The following KIAA0040 variants were observed in gnomAD, a reference collection of about 807,000 sequenced individuals.
KIAA0040 encodes the protein KIAA0040.
A neutral mutation model predicts 7.2 loss-of-function variants in KIAA0040; 10 were observed. The observed-to-expected ratio is 1.38, with a 90% CI of 0.85 to 2.34. KIAA0040 has a LOEUF of 2.34. KIAA0040 is among the 30% of genes most tolerant of loss of function. The pLI is 0.00. For missense variants in KIAA0040, 89 were observed against 108.2 expected, an observed-to-expected ratio of 0.82 and a Z score of 0.79; for synonymous variants, 49 against 40.1, an observed-to-expected ratio of 1.22 and a Z score of -0.84.
intron 2 of KIAA0040, among the ~76,000 whole-genome samples, chr1:175,171,487 T>C (rs1676990263): frequency 6.6e-6 from 1 of 152,122 alleles, no homozygotes; most frequent in African/African-American, 2.4e-5. Flanking sequence ...GCAAACCAGG[T>C]CACTGGGGAG....
intron 2 of KIAA0040, among the ~76,000 whole-genome samples, chr1:175,173,958 G>C: frequency 6.6e-6 from 1 of 152,034 alleles, no homozygotes; most frequent in Non-Finnish European, 1.5e-5. Flanking sequence ...CTAAGATTTG[G>C]CCACACTAAC....
intron 2 of KIAA0040, among the ~76,000 whole-genome samples, chr1:175,168,905 G>A (rs1005677369): frequency 6.6e-6 from 1 of 152,184 alleles, no homozygotes; most frequent in Non-Finnish European, 1.5e-5. Flanking sequence ...TCTTCTCCCG[G>A]GCCCTCCCTG....
At chr1:175,176,863 C>T (rs1677220196) in intron 2 of KIAA0040, among the ~76,000 whole-genome samples, 1 of 151,936 alleles carries the variant, frequency 6.6e-6, no homozygotes, top group Non-Finnish European at 1.5e-5. Context: ...CCTTGAAATG[C>T]CCTTCCCAAA....
intron 2 of KIAA0040, among the ~76,000 whole-genome samples, chr1:175,167,147 G>A (rs532346024): frequency 7.2e-5 from 11 of 152,320 alleles, no homozygotes; most frequent in African/African-American, 2.6e-4. Context: ...GATGAGGGAT[G>A]ACTGAGAGAA....
chr1:175,161,866 C>T (rs1676557307), intron 3 of KIAA0040, among the ~76,000 whole-genome samples: 1 of 152,212 alleles, frequency 6.6e-6, no homozygotes, highest in Admixed American at 6.5e-5. Context: ...CTTCTACCTT[C>T]CTCTTCCTCA....
In KIAA0040 at chr1:175,160,428, T is replaced by C. The variant is rs921674042; in HGVS notation, c.*286A>G. 2.5e-6 allele frequency: 1 copy of C among 403,836 alleles called. No homozygotes were observed. The highest frequency in any genetic ancestry group is 2.0e-5 in the African/African-American group (1 of 49,796). 25.0% of individuals were successfully genotyped at this position (403,836 alleles called of 1,614,324 possible). On this transcript the variant is annotated 3_prime_UTR_variant, in exon 4 of 4. Transcript: ENST00000423313. ...GAGATGTATGGATAAATGTTCTTTG[T>C]GCTTTGCATGTGGGGTATGCCAGAG...
intron 1 of KIAA0040, among the ~76,000 whole-genome samples, chr1:175,191,694 A>ACAGAAC (rs1329029460): frequency 1.3e-5 from 2 of 152,230 alleles, no homozygotes; most frequent in Admixed American, 1.3e-4. Flanking sequence ...CCATTATCTA[A>ACAGAAC]CAGAACTTCA....
intron 3 of KIAA0040, among the ~76,000 whole-genome samples, chr1:175,163,855 T>C (rs1676649166): frequency 6.6e-6 from 1 of 152,178 alleles, no homozygotes; most frequent in African/African-American, 2.4e-5. Context: ...CCCTCTGGGT[T>C]CAGCCAGCAA....
chr1:175,189,999 T>C (rs982729097), intron 1 of KIAA0040, among the ~76,000 whole-genome samples: 3 of 152,178 alleles, frequency 2.0e-5, no homozygotes, highest in South Asian at 4.1e-4. Flanking sequence ...AACTACTCTG[T>C]AGGGGTCTGA....
Position 175,158,839 on chromosome 1 carries a change from C to T in KIAA0040, c.*1875G>A, listed in dbSNP as rs2101869050. On this transcript the variant is annotated 3_prime_UTR_variant, in exon 4 of 4. Coordinates refer to ENST00000423313, the MANE Select transcript of KIAA0040 (RefSeq NM_014656.3). ...ATATGCAGGTTTAAATTATGATTCA[C>T]AGGGTCATCTGTTAGAAAACCCTGG... 1 of 152,256 alleles carries T rather than the reference C, an allele frequency of 6.6e-6. No homozygotes were observed. Among genetic ancestry groups the T allele is most frequent in the African/African-American group, 2.4e-5 (1 of 41,544 alleles). The allele number at this position is 152,256 out of a possible 1,614,324, so 9.4% of individuals were successfully genotyped here.
intron 1 of KIAA0040, among the ~76,000 whole-genome samples, chr1:175,179,853 G>A (rs1318277885): frequency 6.6e-6 from 1 of 152,178 alleles, no homozygotes; most frequent in Non-Finnish European, 1.5e-5. Flanking sequence ...GCTGGTTAGT[G>A]GCCAATGGCA....
chr1:175,168,886 C>T (rs544680817), intron 2 of KIAA0040, among the ~76,000 whole-genome samples: 42 of 152,334 alleles, frequency 2.8e-4, no homozygotes, highest in Admixed American at 9.1e-4. Context: ...GGAAACGTGG[C>T]TCCTGAAATC....
Position 175,192,429 on chromosome 1 carries a change from G to C in KIAA0040, c.-384+211C>G, listed in dbSNP as rs535257528. On this transcript the variant is annotated intron_variant, in intron 1 of 3. Coordinates refer to ENST00000423313, the MANE Select transcript of KIAA0040 (RefSeq NM_014656.3). ...TTCATGTGGACTCAGCCCAGGCGCA[G>C]AGAGGAAGACTCCTGAGAGTCCTCG... is the stretch of plus-strand genomic sequence containing the variant. Among the ~76,000 whole-genome samples the C allele has an allele frequency of 1.5e-4, 23 of 152,242 alleles. 1 individual carries two copies. The highest frequency in any genetic ancestry group is 5.1e-4 in the African/African-American group (21 of 41,536).
chr1:175,183,875 C>A (rs1407928889), intron 1 of KIAA0040, among the ~76,000 whole-genome samples: 1 of 152,148 alleles, frequency 6.6e-6, no homozygotes, highest in African/African-American at 2.4e-5. Flanking sequence ...TCTGTGCCTG[C>A]ATATTGTTTT....
chr1:175,165,424 T>A (rs999185924), intron 3 of KIAA0040, among the ~76,000 whole-genome samples: 1 of 152,232 alleles, frequency 6.6e-6, no homozygotes, highest in Non-Finnish European at 1.5e-5. Flanking sequence ...TATCTTGAAA[T>A]AACAATGGAC....
At chr1:175,162,714 C>T (rs1376665676) in intron 3 of KIAA0040, among the ~76,000 whole-genome samples, 2 of 152,140 alleles carry the variant, frequency 1.3e-5, no homozygotes. Context: ...GGATAGCATG[C>T]TCTATCAATG....
At chr1:175,170,497 C>T (rs1251914027) in intron 2 of KIAA0040, among the ~76,000 whole-genome samples, 1 of 152,168 alleles carries the variant, frequency 6.6e-6, no homozygotes, top group African/African-American at 2.4e-5. Flanking sequence ...TCCAACTCTC[C>T]TATTACCCCA....
intron 1 of KIAA0040, among the ~76,000 whole-genome samples, chr1:175,192,286 T>G (rs1279007677): frequency 6.6e-6 from 1 of 152,196 alleles, no homozygotes; most frequent in Admixed American, 6.5e-5. Flanking sequence ...CCGCGATGCT[T>G]TCCGGAGGGT....
intron 1 of KIAA0040, among the ~76,000 whole-genome samples, chr1:175,190,657 A>G (rs970520731): frequency 3.3e-5 from 5 of 152,118 alleles, no homozygotes; most frequent in African/African-American, 1.2e-4. Context: ...TTCTGATTCT[A>G]CTTCCTAAAA....
Sources: allele counts gnomAD v4.1 joint callset (sites outside exome capture counted in the v4.1 genomes callset), GRCh38; gene constraint gnomAD v4.1.1; transcripts MANE v1.5; gene names NCBI Gene and HGNC (gene_info 2026-07-23, HGNC 2026-07-21).